Variants in PCDHGA9 observed in about 807,000 individuals in gnomAD.
PCDHGA9 encodes protocadherin gamma subfamily A, 9, also known as protocadherin gamma-A9.
A neutral mutation model predicts 62.5 loss-of-function variants in PCDHGA9; 37 were observed. The ratio of observed to expected loss-of-function variants is 0.59; its 90% CI spans 0.46 to 0.78. PCDHGA9 has a LOEUF of 0.78. PCDHGA9 is among the 30% of genes least tolerant of loss of function. The probability of loss-of-function intolerance (pLI) is 0.00; values close to 1 mark genes in which losing one functional copy is unlikely to be tolerated. For missense variants in PCDHGA9, 1,138 were observed against 1,166.2 expected, an observed-to-expected ratio of 0.98 and a Z score of 0.35; for synonymous variants, 459 against 484.6, an observed-to-expected ratio of 0.95 and a Z score of 0.69.
intron 1 of PCDHGA9, chr5:141,484,855 G>T (rs1178318896): frequency 3.9e-6 from 1 of 257,336 alleles, no homozygotes; most frequent in East Asian, 8.3e-5. Context: ...GTTTTTTGGG[G>T]GGTGGGGGAG....
chr5:141,413,337 G>A, intron 1 of PCDHGA9: 1 of 1,613,978 alleles, frequency 6.2e-7, no homozygotes, highest in Non-Finnish European at 8.5e-7. Flanking sequence ...ACATCTCCAA[G>A]GACTTGGGTC....
chr5:141,486,425 A>C lies in PCDHGA9; in HGVS notation c.2425-8382A>C. The C allele has an allele frequency of 6.2e-7, 1 of 1,614,228 alleles. No homozygotes were observed. On this transcript the variant is annotated intron_variant, in intron 1 of 3. Transcript: ENST00000573521. This position sits in a 1 kb window ranked among gnomAD's most constrained non-coding sequence, Gnocchi z 5.0. Reference sequence around the variant, plus strand: ...TGCTGGACCCTTGGATCGAGAGGCCAAATCTAGCTATGACATCATGGTCAC... The same window carrying C: ...TGCTGGACCCTTGGATCGAGAGGCCCAATCTAGCTATGACATCATGGTCAC...
Position 141,489,510 on chromosome 5 carries a change from T to A in PCDHGA9, c.2425-5297T>A, listed in dbSNP as rs762210983. 1 of 1,614,124 alleles carries A rather than the reference T, an allele frequency of 6.2e-7. No individual in the cohort carries two copies. The highest frequency in any genetic ancestry group is 1.7e-5 in the Admixed American group (1 of 60,022). On this transcript the variant is annotated intron_variant, in intron 1 of 3. Transcript: ENST00000573521. This position sits in a 1 kb window ranked among gnomAD's most constrained non-coding sequence, Gnocchi z 4.5. Reference sequence around the variant, plus strand: ...GTGCCCTGGCAGTGAATCAAAAGATTGACCGAGAAAGCCTATGTGGAGCCA... The same window carrying A: ...GTGCCCTGGCAGTGAATCAAAAGATAGACCGAGAAAGCCTATGTGGAGCCA...
intron 1 of PCDHGA9, among the ~76,000 whole-genome samples, chr5:141,424,944 A>G (rs958272371): frequency 2.6e-5 from 4 of 152,108 alleles, no homozygotes; most frequent in African/African-American, 9.7e-5. Context: ...CTCTCACATC[A>G]CTTCTAGGTA....
At chr5:141,465,757 T>C (rs2099108578) in intron 1 of PCDHGA9, among the ~76,000 whole-genome samples, 1 of 152,046 alleles carries the variant, frequency 6.6e-6, no homozygotes, top group South Asian at 2.1e-4. Context: ...ACTGGTAAAG[T>C]CATGTTTCAT....
Position 141,477,780 on chromosome 5 carries a change from T to C in PCDHGA9, c.2425-17027T>C. On this transcript the variant is annotated intron_variant, in intron 1 of 3. Coordinates refer to ENST00000573521, the MANE Select transcript of PCDHGA9 (RefSeq NM_018921.3). The surrounding 1 kb of genome is among the most constrained non-coding windows in gnomAD (Gnocchi z 4.9). ...CTAGCCACCAACATCAGCGTGAACA[T>C]ATTTGTCACTGATCGCAATGACAAT... 6.2e-7 allele frequency: 1 copy of C among 1,614,048 alleles called. No homozygotes were observed. Among genetic ancestry groups the C allele is most frequent in the Non-Finnish European group, 8.5e-7 (1 of 1,180,030 alleles).
At position 141,501,332 on chromosome 5, in the gene PCDHGA9, CA is replaced by C. The variant is rs1257793029; in HGVS notation, c.2484-4060del. 1.8e-3 allele frequency among the ~76,000 whole-genome samples: 265 copies of C among 149,784 alleles called. 1 individual carries two copies. The highest frequency in any genetic ancestry group is 5.2e-3 in the African/African-American group (209 of 40,512). On this transcript the variant is annotated intron_variant, in intron 2 of 3. Transcript: ENST00000573521. Reference sequence around the variant, plus strand: ...ACACACACACACACACACACACACACACCCCAAACTCAATAGGGCAAGAACC... The same window carrying C: ...ACACACACACACACACACACACACACCCCCAAACTCAATAGGGCAAGAACC...
intron 1 of PCDHGA9, chr5:141,478,600 C>T (rs762531135): frequency 6.4e-7 from 1 of 1,565,134 alleles, no homozygotes. Context: ...ATTCCTACAT[C>T]ATATTGAGGA....
chr5:141,509,979 T>C (rs908103989), intron 3 of PCDHGA9, among the ~76,000 whole-genome samples: 4 of 152,204 alleles, frequency 2.6e-5, no homozygotes, highest in African/African-American at 7.2e-5. Context: ...CTTCTAACAC[T>C]TGGTTCCCTC....
chr5:141,410,909 A>G lies in PCDHGA9; in HGVS notation c.2424+5533A>G, dbSNP rs183334545. Reference sequence around the variant, plus strand: ...CGCACTGTTGCCTAGGCTGGAGTGCAGTGGCGTGATCTCTGCTCACTGCAA... The same window carrying G: ...CGCACTGTTGCCTAGGCTGGAGTGCGGTGGCGTGATCTCTGCTCACTGCAA... On this transcript the variant is annotated intron_variant, in intron 1 of 3. Coordinates refer to ENST00000573521, the MANE Select transcript of PCDHGA9 (RefSeq NM_018921.3). 188 of 259,978 alleles carry G rather than the reference A, an allele frequency of 7.2e-4. 1 individual carries two copies. Among genetic ancestry groups the G allele is most frequent in the African/African-American group, 5.3e-3 (172 of 32,394 alleles). The allele number at this position is 259,978 out of a possible 1,614,324, so 16.1% of individuals were successfully genotyped here.
Position 141,494,842 on chromosome 5 carries a change from G to A in PCDHGA9, c.2460G>A (p.Gln820=). 1 of 1,614,116 alleles carries A rather than the reference G, an allele frequency of 6.2e-7. No homozygotes were observed. Among genetic ancestry groups the A allele is most frequent in the Non-Finnish European group, 8.5e-7 (1 of 1,180,018 alleles). The change falls in exon 2 of 4, where the codon CAG becomes CAA. Residue 820 remains glutamine, a synonymous_variant. Coordinates refer to ENST00000573521, the MANE Select transcript of PCDHGA9 (RefSeq NM_018921.3). ...APPNTDWRFS[Q]AQRPGTSGSQ... is the part of the protein sequence containing the mutation. ...CCAACACGGACTGGCGTTTCTCTCA[G>A]GCCCAGAGACCCGGCACCAGCGGGT... is the stretch of plus-strand genomic sequence containing the variant.
chr5:141,455,148 A>G (rs6897410), intron 1 of PCDHGA9, among the ~76,000 whole-genome samples: 9,268 of 149,002 alleles, frequency 0.062, 567 homozygotes, highest in African/African-American at 0.16. Flanking sequence ...TTAAATAAAT[A>G]TTAGTTTGTT....
rs534187376 is a variant in PCDHGA9 at position 141,512,974 on chromosome 5, A to G, written c.*1801A>G. ...AAAATAATAAAACGTTTCTTCTGAA[A>G]AGCTGAACGTTTCTGTATAAGCGAT... is the stretch of plus-strand genomic sequence containing the variant. On this transcript the variant is annotated 3_prime_UTR_variant, in exon 4 of 4. Transcript: ENST00000573521. The G allele has an allele frequency of 6.6e-6, 1 of 152,362 alleles. No individual in the cohort carries two copies. Among genetic ancestry groups the G allele is most frequent in the South Asian group, 2.1e-4 (1 of 4,826 alleles). The allele number at this position is 152,362 out of a possible 1,614,324, so 9.4% of individuals were successfully genotyped here. A position where few individuals can be genotyped will look rare whatever the true frequency, so the allele number is the denominator to read the frequency against.
Position 141,511,409 on chromosome 5 carries a change from G to C in PCDHGA9, c.*236G>C, listed in dbSNP as rs999907393. On this transcript the variant is annotated 3_prime_UTR_variant, in exon 4 of 4. Coordinates refer to ENST00000573521, the MANE Select transcript of PCDHGA9 (RefSeq NM_018921.3). Reference sequence around the variant, plus strand: ...GGGAACCCCCATCCAATCAACTGCTGTACCCATGGGGGTAGTGGGGTTACT... The same window carrying C: ...GGGAACCCCCATCCAATCAACTGCTCTACCCATGGGGGTAGTGGGGTTACT... The C allele has an allele frequency of 1.1e-6, 1 of 908,516 alleles. No homozygotes were observed. The highest frequency in any genetic ancestry group is 1.7e-5 in the African/African-American group (1 of 59,504). The allele number at this position is 908,516 out of a possible 1,614,324, so 56.3% of individuals were successfully genotyped here.
rs565813908 is a variant in PCDHGA9 at position 141,503,968 on chromosome 5, G to A, written c.2484-1425G>A. Among the ~76,000 whole-genome samples, 14 of 152,182 alleles carry A rather than the reference G, an allele frequency of 9.2e-5. No homozygotes were observed. The South Asian group carries it at 2.7e-3, about 29-fold the overall frequency. ...GGCCTACCCTACAGCCTTTCCCATG[G>A]TGCCAAACCCTTCTTCTTACCTTAC... On this transcript the variant is annotated intron_variant, in intron 2 of 3. Transcript: ENST00000573521.
intron 1 of PCDHGA9, chr5:141,415,740 G>GTTTTGTTTTT (rs2095911163): frequency 1.9e-6 from 1 of 515,998 alleles, no homozygotes; most frequent in African/African-American, 2.8e-5. Context: ...GTTTATTAAG[G>GTTTTGTTTTT]TTTTTTTTTT....
intron 1 of PCDHGA9, chr5:141,417,547 G>C (rs756455730): frequency 9.7e-5 from 31 of 318,264 alleles, no homozygotes; most frequent in Non-Finnish European, 1.5e-4. Flanking sequence ...AAAATTCCTT[G>C]AAAGAGGTAG....
chr5:141,414,434 C>T (rs774467993), intron 1 of PCDHGA9: 5 of 1,613,704 alleles, frequency 3.1e-6, no homozygotes, highest in Non-Finnish European at 3.4e-6. Context: ...GAACAGGTAT[C>T]CTCTTACAAT....
chr5:141,511,041 C>T lies in PCDHGA9; in HGVS notation c.2667C>T (p.Pro889=), dbSNP rs1421629777. 1.5e-5 allele frequency: 24 copies of T among 1,614,076 alleles called. No individual in the cohort carries two copies. The highest frequency in any genetic ancestry group is 5.5e-5 in the South Asian group (5 of 91,092). Residue 889 remains proline, a synonymous_variant, in exon 4 of 4, where the codon CCC becomes CCT. Transcript: ENST00000573521. The part of the protein sequence containing the change: ...YGPQFTLQHV[P]DYRQNVYIPG... ...CCCAGTTCACCCTGCAGCACGTGCCCGACTACCGCCAGAATGTCTACATCC... is the reference window on the plus strand; with the variant it reads ...CCCAGTTCACCCTGCAGCACGTGCCTGACTACCGCCAGAATGTCTACATCC...
Sources: gnomAD v4.1 joint callset for allele counts (sites outside exome capture counted in the v4.1 genomes callset) on GRCh38, gnomAD v4.1.1 for gene constraint, Gnocchi (gnomAD v3.1) non-coding constraint, MANE v1.5 for transcripts, NCBI Gene and HGNC (gene_info 2026-07-23, HGNC 2026-07-21) for gene names.